The following SDK1 variants were observed in gnomAD, a reference collection of about 807,000 sequenced individuals.
The protein encoded by SDK1 is sidekick cell adhesion molecule 1, also known as protein sidekick-1.
Under a neutral mutation model 245.5 loss-of-function variants are expected in SDK1, and 157 were observed. The ratio of observed to expected loss-of-function variants is 0.64; its 90% CI spans 0.56 to 0.73. SDK1 has a LOEUF of 0.73. SDK1 is among the 30% of genes least tolerant of loss of function. The pLI is 0.00. For missense variants in SDK1, 3,583 were observed against 3,002.3 expected (o/e 1.19, Z -4.52); for synonymous variants, 1,647 against 1,278.5 (o/e 1.29, Z -6.15).
intron 1 of SDK1, among the ~76,000 whole-genome samples, chr7:3,512,281 G>C (rs554224906): frequency 1.9e-4 from 29 of 151,938 alleles, no homozygotes; most frequent in Non-Finnish European, 3.8e-4. Flanking sequence ...TGTTTTCATA[G>C]CTCATTTGTT....
intron 14 of SDK1, 149 bp downstream of exon 14, chr7:3,987,471 T>C: frequency 2.4e-6 from 2 of 828,482 alleles, no homozygotes; most frequent in South Asian, 3.5e-5. Context: ...AGCCTGCCCT[T>C]TAGGAAAGAA....
At chr7:3,909,642 T>C (rs989448627) in intron 5 of SDK1, among the ~76,000 whole-genome samples, 1 of 152,216 alleles carries the variant, frequency 6.6e-6, no homozygotes, top group East Asian at 1.9e-4. Flanking sequence ...CTATATGCGC[T>C]CTCCAGTATG....
chr7:4,077,214 C>T (rs1444450133), intron 21 of SDK1, 25 bp downstream of exon 21: 1 of 1,601,358 alleles, frequency 6.2e-7, no homozygotes, highest in Non-Finnish European at 8.5e-7. Context: ...GTGCGGTCCT[C>T]CTGCTGTCAC....
intron 14 of SDK1, among the ~76,000 whole-genome samples, chr7:4,001,133 C>T (rs902275974): frequency 3.3e-5 from 5 of 152,246 alleles, no homozygotes; most frequent in Admixed American, 6.5e-5. Context: ...CTGTGGTGAC[C>T]GCACGGTGCG....
chr7:3,344,379 A>G (rs1294732584), intron 1 of SDK1, among the ~76,000 whole-genome samples: 3 of 152,204 alleles, frequency 2.0e-5, no homozygotes, highest in East Asian at 1.9e-4. Flanking sequence ...CTCTGTACCT[A>G]GCTCAGGATC....
chr7:3,887,602 A>G (rs1464010974), intron 5 of SDK1, among the ~76,000 whole-genome samples: 3 of 152,186 alleles, frequency 2.0e-5, no homozygotes, highest in African/African-American at 7.2e-5. Flanking sequence ...AATAAAATTC[A>G]TTTGTTTGGT....
intron 39 of SDK1, 30 bp downstream of exon 39, chr7:4,220,300 C>G (rs1785070850): frequency 6.2e-7 from 1 of 1,600,162 alleles, no homozygotes; most frequent in South Asian, 1.1e-5. Context: ...CAGACAATGT[C>G]AATTGCAACT....
At chr7:3,568,823 A>G (rs1780009023) in intron 1 of SDK1, among the ~76,000 whole-genome samples, 1 of 152,200 alleles carries the variant, frequency 6.6e-6, no homozygotes, top group African/African-American at 2.4e-5. Context: ...GCACCACACA[A>G]ATTCCAGCAA....
At chr7:4,028,515 T>C (rs556999640) in intron 17 of SDK1, among the ~76,000 whole-genome samples, 54 of 152,210 alleles carry the variant, frequency 3.5e-4, no homozygotes, top group Admixed American at 6.5e-4. Context: ...AAAATAAAGG[T>C]CATGACTTTG....
At chr7:4,101,218 G>C (rs993038808) in intron 22 of SDK1, among the ~76,000 whole-genome samples, 1 of 150,350 alleles carries the variant, frequency 6.7e-6, no homozygotes, top group Non-Finnish European at 1.5e-5. Context: ...GTGCGATCTC[G>C]GCAAGCTCCG....
At chr7:3,749,420 C>T (rs947514384) in intron 4 of SDK1, among the ~76,000 whole-genome samples, 2 of 152,226 alleles carry the variant, frequency 1.3e-5, no homozygotes, top group African/African-American at 4.8e-5. Context: ...CTGCCTCAGC[C>T]TCCTGAGTAG....
chr7:3,848,940 G>T (rs1394787004), intron 5 of SDK1, among the ~76,000 whole-genome samples: 2 of 152,216 alleles, frequency 1.3e-5, no homozygotes, highest in African/African-American at 4.8e-5. Context: ...AAAGTGCCGG[G>T]ATTACAGGCG....
At chr7:3,503,150 T>A (rs1782272370) in intron 1 of SDK1, among the ~76,000 whole-genome samples, 1 of 152,152 alleles carries the variant, frequency 6.6e-6, no homozygotes, top group Non-Finnish European at 1.5e-5. Flanking sequence ...GGCAAGGGAG[T>A]ATTATCACAA....
chr7:3,797,403 T>G (rs1203890708), intron 4 of SDK1, among the ~76,000 whole-genome samples: 1 of 152,056 alleles, frequency 6.6e-6, no homozygotes, highest in Non-Finnish European at 1.5e-5. Flanking sequence ...TTCTTATTTT[T>G]CTGTATAGTC....
At chr7:4,114,421 C>G (rs1783562552) in intron 25 of SDK1, 147 bp downstream of exon 25, 1 of 652,818 alleles carries the variant, frequency 1.5e-6, no homozygotes, top group Non-Finnish European at 2.6e-6. Flanking sequence ...CGGGTTTGGC[C>G]AGACTCGGCA....
At chr7:3,547,499 A>T (rs981448651) in intron 1 of SDK1, among the ~76,000 whole-genome samples, 1 of 152,202 alleles carries the variant, frequency 6.6e-6, no homozygotes, top group Non-Finnish European at 1.5e-5. Flanking sequence ...ATAGCATTTT[A>T]TTATGTATTA....
chr7:4,265,171 G>C lies in SDK1; in HGVS notation c.6429G>C (p.Val2143=), dbSNP rs1410609359. The change falls in exon 45 of 45, where the codon GTG becomes GTC. Residue 2143 remains valine (V), a synonymous_variant. Transcript: ENST00000404826. ...YEDALPKHSF[V]NHYMSDPTYY... ...ACGCGCTGCCCAAGCACTCCTTCGTGAACCACTACATGAGCGACCCCACCT... is the reference window on the plus strand; with the variant it reads ...ACGCGCTGCCCAAGCACTCCTTCGTCAACCACTACATGAGCGACCCCACCT... 1.1e-5 allele frequency: 18 copies of C among 1,612,416 alleles called. No homozygotes were observed. Among genetic ancestry groups the C allele is most frequent in the Non-Finnish European group, 1.5e-5 (18 of 1,179,656 alleles).
intron 21 of SDK1, 118 bp from the exon 22 acceptor site, chr7:4,079,345 C>T (rs1780909702): frequency 1.5e-5 from 19 of 1,244,444 alleles, no homozygotes; most frequent in Non-Finnish European, 2.1e-5. Context: ...GAGAGCAAAT[C>T]CTTTTTTGGT....
rs1783715724 is a variant in SDK1 at position 3,672,034 on chromosome 7, T to C, written c.713+29929T>C. On this transcript the variant is annotated intron_variant, in intron 4 of 44. Coordinates refer to ENST00000404826, the MANE Select transcript of SDK1 (RefSeq NM_152744.4). The stretch of plus-strand genomic sequence containing the variant: ...ACCCTGAGGCATAGCTGCTCTGAAG[T>C]CCTGGCGGCCTCTGGGAGGGCTTAT... Among the ~76,000 whole-genome samples, 2 of 152,098 alleles carry C rather than the reference T, an allele frequency of 1.3e-5. 1 individual carries two copies. The highest frequency in any genetic ancestry group is 4.1e-4 in the South Asian group (2 of 4,826).
Sources: allele counts gnomAD v4.1 joint callset (sites outside exome capture counted in the v4.1 genomes callset), GRCh38; gene constraint gnomAD v4.1.1; transcripts MANE v1.5; gene names NCBI Gene and HGNC (gene_info 2026-07-23, HGNC 2026-07-21).